MYCBPAP: variants seen among roughly 807,000 people sequenced by gnomAD.
The protein encoded by MYCBPAP is MYCBP associated protein.
Under a neutral mutation model 106.1 loss-of-function variants are expected in MYCBPAP, and 60 were observed. That is an observed-to-expected ratio of 0.57 (90% confidence interval 0.46 to 0.70). The LOEUF (loss-of-function observed/expected upper bound fraction) is 0.70. Ranked by LOEUF, MYCBPAP falls within the 30% of genes least tolerant of loss-of-function variation. The probability of loss-of-function intolerance (pLI) is 0.00; values close to 1 mark genes in which losing one functional copy is unlikely to be tolerated. For missense variants in MYCBPAP, 1,064 were observed against 1,169.3 expected (o/e 0.91, Z 1.31); for synonymous variants, 407 against 440.6 (o/e 0.92, Z 0.95).
chr17:50,526,154 A>C lies in MYCBPAP; in HGVS notation c.2056A>C (p.Met686Leu). The C allele has an allele frequency of 6.2e-7, 1 of 1,613,714 alleles. No homozygotes were observed. The highest frequency in any genetic ancestry group is 8.5e-7 in the Non-Finnish European group (1 of 1,179,942). ...GTKSPQRKSIMEEILVEESPD... is the reference protein window; with the variant it reads ...GTKSPQRKSILEEILVEESPD... Reference sequence around the variant, plus strand: ...CAAGAGTCCTCAGCGGAAGAGCATCATGGAGGAGATCCTGGTGGAGGAAAG... The same window carrying C: ...CAAGAGTCCTCAGCGGAAGAGCATCCTGGAGGAGATCCTGGTGGAGGAAAG... Residue 686 changes from methionine to leucine, a missense_variant, in exon 14 of 19, where the codon ATG becomes CTG. Met to Leu is a conservative substitution (Grantham distance 15, BLOSUM62 2). Coordinates refer to ENST00000323776, the MANE Select transcript of MYCBPAP (RefSeq NM_032133.6).
Position 50,529,083 on chromosome 17 carries a change from G to C in MYCBPAP, c.2619G>C (p.Gln873His). 6.2e-7 allele frequency: 1 copy of C among 1,614,088 alleles called. No individual in the cohort carries two copies. Among genetic ancestry groups the C allele is most frequent in the Non-Finnish European group, 8.5e-7 (1 of 1,180,008 alleles). ...DDKKVIKSAS[Q>H]DRFSLEDPTP... is the part of the protein sequence containing the mutation. ...AGAAAGTCATAAAATCTGCAAGTCA[G>C]GACAGGTTTTCTTTGGAAGACCCTA... Residue 873 changes from glutamine (Q) to histidine (H), a missense_variant, in exon 18 of 19, where the codon CAG becomes CAC. Coordinates refer to ENST00000323776, the MANE Select transcript of MYCBPAP (RefSeq NM_032133.6).
At chr17:50,510,499 G>GTGTGTATATATATATATATA (rs1418345705) in intron 1 of MYCBPAP, 1 of 76,428 alleles carries the variant, frequency 1.3e-5, no homozygotes, top group African/African-American at 4.6e-5. Context: ...GTGTGTGTGT[G>GTGTGTATATATATATATATA]TATATATATA....
chr17:50,526,860 C>T (rs769374962), intron 14 of MYCBPAP, among the ~76,000 whole-genome samples: 2 of 152,204 alleles, frequency 1.3e-5, no homozygotes, highest in Admixed American at 6.5e-5. Flanking sequence ...GTGTTACAGG[C>T]GTGAGCCACC....
chr17:50,519,647 A>G lies in MYCBPAP; in HGVS notation c.776A>G (p.Glu259Gly). ...CCTTTCCTTCCTTGCCAGAGCTGGG[A>G]GAACAGTGGGTTCTGGAGTCGACTG... ...LPTRRDRKSW[E>G]NSGFWSRLEY... The change falls in exon 7 of 19, where the codon GAG (glutamate) becomes GGG (glycine). Residue 259 changes from glutamate to glycine, a missense_variant. Glu to Gly is a moderately conservative substitution (Grantham distance 98). Coordinates refer to ENST00000323776, the MANE Select transcript of MYCBPAP (RefSeq NM_032133.6). 1 of 1,614,038 alleles carries G rather than the reference A, an allele frequency of 6.2e-7. No individual in the cohort carries two copies.
chr17:50,512,049 TTTTC>T (rs2033870589), intron 1 of MYCBPAP, among the ~76,000 whole-genome samples: 1 of 125,572 alleles, frequency 8.0e-6, no homozygotes, highest in Non-Finnish European at 1.6e-5. Context: ...CCCCAGCAAG[TTTTC>T]TTTTTTTTTT....
rs1405753524 is a variant in MYCBPAP, at chr17:50,522,178, T to C, written c.1257+97T>C. ...ACCAGCAGCCTGCACAGTCTCCTGT[T>C]TGGGTTTTTATCTGGTCGTGCATTC... is the stretch of plus-strand genomic sequence containing the variant. On this transcript the variant is annotated intron_variant, in intron 10 of 18. Transcript: ENST00000323776. The C allele has an allele frequency of 3.4e-5, 33 of 980,850 alleles. No homozygotes were observed. In the East Asian group the frequency reaches 8.2e-4, roughly 24 times the overall value. The allele number at this position is 980,850 out of a possible 1,614,324, so 60.8% of individuals were successfully genotyped here.
At chr17:50,510,499 G>GTATGTATATATATATATA (rs1555618059) in intron 1 of MYCBPAP, 1 of 76,428 alleles carries the variant, frequency 1.3e-5, no homozygotes, top group Non-Finnish European at 2.6e-5. Context: ...GTGTGTGTGT[G>GTATGTATATATATATATA]TATATATATA....
chr17:50,515,027 C>A, intron 1 of MYCBPAP: 1 of 283,254 alleles, frequency 3.5e-6, no homozygotes. Flanking sequence ...TCTTCCCTCC[C>A]ACCTCACCAC....
At chr17:50,525,695 C>T (rs914475494) in intron 13 of MYCBPAP, among the ~76,000 whole-genome samples, 186 bp from the exon 14 acceptor site, 2 of 134,910 alleles carry the variant, frequency 1.5e-5, no homozygotes, top group South Asian at 2.5e-4. Context: ...CACTCTATGT[C>T]ATACAGGCCG....
rs1452315638 is a variant in MYCBPAP, at chr17:50,520,012, AGCT to A, written c.916+228_916+230del. On this transcript the variant is annotated intron_variant, in intron 7 of 18. Transcript: ENST00000323776. ...CTAGGAAACTGGAGTGCAGCCATAG[AGCT>A]GCCGTCCAGTGTGGAGCCTTGAGCC... 9.6e-6 allele frequency: 5 copies of A among 519,746 alleles called. No homozygotes were observed. In the Admixed American group the frequency reaches 1.0e-4, roughly 11 times the overall value. The allele number at this position is 519,746 out of a possible 1,614,324, so 32.2% of individuals were successfully genotyped here.
At chr17:50,529,766 T>G (rs2034575038) in intron 18 of MYCBPAP, 1 of 456,696 alleles carries the variant, frequency 2.2e-6, no homozygotes, top group Non-Finnish European at 4.4e-6. Flanking sequence ...CCCCGTTAGG[T>G]GCATCCTGGC....
chr17:50,516,469 A>G (rs2034055257), intron 1 of MYCBPAP, 101 bp from the exon 2 acceptor site: 1 of 1,363,202 alleles, frequency 7.3e-7, no homozygotes, highest in African/African-American at 1.5e-5. Flanking sequence ...GCCCCCCACC[A>G]TGGAGTCTAG....
In MYCBPAP at chr17:50,519,061, G is replaced by A. The variant is rs1245940955; in HGVS notation, c.740G>A (p.Cys247Tyr). 2 of 1,597,844 alleles carry A rather than the reference G, an allele frequency of 1.3e-6. No individual in the cohort carries two copies. The highest frequency in any genetic ancestry group is 1.7e-5 in the Admixed American group (1 of 59,534). ...CAGGAGGAGCGGGAGCTCATTGACT[G>A]CACACTTCCAACCCGGCGTGATAGG... ...RIQEERELID[C>Y]TLPTRRDRKS... The change falls in exon 6 of 19, where the codon TGC (cysteine) becomes TAC (tyrosine). Residue 247 changes from cysteine to tyrosine, a missense_variant. Physicochemically the swap from Cys to Tyr is radical, Grantham distance 194 (BLOSUM62 -2). Transcript: ENST00000323776.
chr17:50,508,595 G>C lies in MYCBPAP; in HGVS notation c.-80G>C. The C allele has an allele frequency of 6.4e-7, 1 of 1,557,520 alleles. No homozygotes were observed. Among genetic ancestry groups the C allele is most frequent in the Non-Finnish European group, 8.7e-7 (1 of 1,149,834 alleles). ...GGTTGCTGTGGACGCAGTGGCGGCC[G>C]TTGGCTGGCGGGTGCGGCGCAGCCT... On this transcript the variant is annotated 5_prime_UTR_variant, in exon 1 of 19. Transcript: ENST00000323776.
intron 1 of MYCBPAP, among the ~76,000 whole-genome samples, chr17:50,511,915 A>C (rs1294237728): frequency 6.6e-6 from 1 of 152,040 alleles, no homozygotes; most frequent in African/African-American, 2.4e-5. Context: ...CTGATGAATC[A>C]TTCTGAAATG....
At position 50,528,707 on chromosome 17, in the gene MYCBPAP, C is replaced by T. The variant is rs765139555; in HGVS notation, c.2420C>T (p.Pro807Leu). Reference sequence around the variant, plus strand: ...CCACCTCCCTTAGATCAAAAATCACCTCCTATCATGGAAGTGAAGGTACCT... The same window carrying T: ...CCACCTCCCTTAGATCAAAAATCACTTCCTATCATGGAAGTGAAGGTACCT... Reference protein sequence around the residue: ...NVPEEQDQKSPPIMEVKVPVG... With the variant: ...NVPEEQDQKSLPIMEVKVPVG... The change falls in exon 17 of 19, where the codon CCT (proline) becomes CTT (leucine). Residue 807 changes from proline to leucine, a missense_variant. Transcript: ENST00000323776. 5.6e-6 allele frequency: 9 copies of T among 1,613,716 alleles called. No individual in the cohort carries two copies. Among genetic ancestry groups the T allele is most frequent in the African/African-American group, 2.7e-5 (2 of 74,920 alleles).
At chr17:50,508,885 TGGGC>T in intron 1 of MYCBPAP, 135 bp downstream of exon 1, 1 of 848,406 alleles carries the variant, frequency 1.2e-6, no homozygotes, top group Non-Finnish European at 2.0e-6. Flanking sequence ...AGTGGGGTAC[TGGGC>T]ATAGGACCCT....
intron 1 of MYCBPAP, among the ~76,000 whole-genome samples, chr17:50,510,921 T>C (rs1321018677): frequency 2.0e-5 from 3 of 151,980 alleles, no homozygotes; most frequent in Non-Finnish European, 4.4e-5. Flanking sequence ...CTCACATAGT[T>C]TCTGGGAGAT....
rs752477564 is a variant in MYCBPAP, at chr17:50,508,728, A to G, written c.54A>G (p.Leu18=). Reference sequence around the variant, plus strand: ...TCAGAATAACTCCGACCAGATTATTAGAGGCCTCAGAGAATGTCAAAGGTT... The same window carrying G: ...TCAGAATAACTCCGACCAGATTATTGGAGGCCTCAGAGAATGTCAAAGGTT... The part of the protein sequence containing the change: ...SRLRITPTRL[L]EASENVKEKK... The change falls in exon 1 of 19, where the codon TTA becomes TTG. Residue 18 remains leucine (L), a synonymous_variant. Coordinates refer to ENST00000323776, the MANE Select transcript of MYCBPAP (RefSeq NM_032133.6). 8.8e-5 allele frequency: 141 copies of G among 1,610,880 alleles called. No individual in the cohort carries two copies. Among genetic ancestry groups the G allele is most frequent in the Non-Finnish European group, 1.2e-4 (139 of 1,178,348 alleles).
Sources: gnomAD v4.1 joint callset for allele counts (sites outside exome capture counted in the v4.1 genomes callset) on GRCh38, gnomAD v4.1.1 for gene constraint, MANE v1.5 for transcripts, NCBI Gene and HGNC (gene_info 2026-07-23, HGNC 2026-07-21) for gene names.